Variants in STRBP observed in about 807,000 individuals in gnomAD.
STRBP encodes spermatid perinuclear RNA binding protein, also known as spermatid perinuclear RNA-binding protein.
A neutral mutation model predicts 80.1 loss-of-function variants in STRBP; 13 were observed. That is an observed-to-expected ratio of 0.16 (90% CI 0.11 to 0.26). STRBP has a LOEUF of 0.26. STRBP is among the 10% of genes least tolerant of loss of function. STRBP has a pLI of 1.00. For missense variants in STRBP, 485 were observed against 815.2 expected (o/e 0.59, Z 4.93); for synonymous variants, 284 against 291.2 (o/e 0.98, Z 0.25).
At chr9:123,173,423 C>T (rs1007853749) in intron 5 of STRBP, among the ~76,000 whole-genome samples, 2 of 152,120 alleles carry the variant, frequency 1.3e-5, no homozygotes, top group African/African-American at 4.8e-5. Flanking sequence ...TGAAGATTCT[C>T]AGCAAGATAC....
intron 1 of STRBP, among the ~76,000 whole-genome samples, chr9:123,241,905 G>T (rs979251856): frequency 1.3e-5 from 2 of 152,138 alleles, no homozygotes; most frequent in Non-Finnish European, 2.9e-5. Flanking sequence ...AAAGTCCCAG[G>T]TGATCTGGCC....
At chr9:123,259,077 G>T (rs916729357) in intron 1 of STRBP, among the ~76,000 whole-genome samples, 4 of 144,622 alleles carry the variant, frequency 2.8e-5, no homozygotes, top group Non-Finnish European at 4.5e-5. Flanking sequence ...AAAAAAAAAG[G>T]GGGGGGGATT....
intron 9 of STRBP, among the ~76,000 whole-genome samples, chr9:123,158,644 A>C (rs1223828974): frequency 6.6e-6 from 1 of 152,186 alleles, no homozygotes; most frequent in Non-Finnish European, 1.5e-5. Context: ...ACTGGAAGTC[A>C]CTTGTATATC....
At chr9:123,184,969 C>T (rs967036339) in intron 2 of STRBP, among the ~76,000 whole-genome samples, 3 of 152,052 alleles carry the variant, frequency 2.0e-5, no homozygotes, top group African/African-American at 7.2e-5. Flanking sequence ...TATCCAGAGT[C>T]CTAATCATTG....
intron 1 of STRBP, among the ~76,000 whole-genome samples, chr9:123,246,961 C>T (rs2132619905): frequency 6.6e-6 from 1 of 152,294 alleles, no homozygotes; most frequent in East Asian, 1.9e-4. Context: ...AGTAAAATAT[C>T]ACCTTGAACT....
intron 2 of STRBP, among the ~76,000 whole-genome samples, chr9:123,196,683 C>T (rs1025559230): frequency 9.9e-5 from 15 of 152,118 alleles, no homozygotes; most frequent in South Asian, 8.3e-4. Context: ...AACTATAATG[C>T]GATATAATCT....
intron 6 of STRBP, among the ~76,000 whole-genome samples, chr9:123,162,685 A>G (rs980072362): frequency 2.0e-5 from 3 of 152,236 alleles, no homozygotes; most frequent in Non-Finnish European, 4.4e-5. Flanking sequence ...AGTTATTTGC[A>G]TTGTTTCCCA....
chr9:123,239,840 A>C (rs1414919655), intron 1 of STRBP, among the ~76,000 whole-genome samples: 1 of 152,232 alleles, frequency 6.6e-6, no homozygotes, highest in Non-Finnish European at 1.5e-5. Flanking sequence ...TGACACGAGA[A>C]GTACTACATT....
chr9:123,160,362 C>A lies in STRBP; in HGVS notation c.723+5G>T. 1 of 1,579,240 alleles carries A rather than the reference C, an allele frequency of 6.3e-7. No individual in the cohort carries two copies. Among genetic ancestry groups the A allele is most frequent in the Non-Finnish European group, 8.6e-7 (1 of 1,156,128 alleles). On this transcript the variant is annotated splice_donor_5th_base_variant and intron_variant, in intron 8 of 18. Coordinates refer to ENST00000348403, the MANE Select transcript of STRBP (RefSeq NM_018387.5). ...ATTTGCTTTTAGCCATATTTAAGTA[C>A]TTACCCATCCTTTCAATGGTGCCCA...
intron 2 of STRBP, among the ~76,000 whole-genome samples, chr9:123,231,175 T>C (rs946855805): frequency 6.6e-6 from 1 of 152,024 alleles, no homozygotes; most frequent in African/African-American, 2.4e-5. Flanking sequence ...TCTACAGAGA[T>C]TTTAATGTAC....
At chr9:123,167,919 A>T (rs1011748200) in intron 6 of STRBP, among the ~76,000 whole-genome samples, 6 of 152,214 alleles carry the variant, frequency 3.9e-5, no homozygotes, top group African/African-American at 1.4e-4. Flanking sequence ...GGCTAAGTTT[A>T]AAGGTATCAC....
intron 3 of STRBP, chr9:123,111,539 T>C: frequency 2.3e-6 from 1 of 436,474 alleles, no homozygotes; most frequent in Non-Finnish European, 4.7e-6. Flanking sequence ...CCTGTGCCTG[T>C]AGGCAGGGGC....
intron 1 of STRBP, among the ~76,000 whole-genome samples, chr9:123,257,417 AAC>A (rs112138505): frequency 0.014 from 2,109 of 147,238 alleles, 50 homozygotes; most frequent in African/African-American, 0.047. Context: ...AAAACACACA[AAC>A]ACACACACAC....
chr9:123,250,382 T>G (rs2132627971), intron 1 of STRBP, among the ~76,000 whole-genome samples: 1 of 152,328 alleles, frequency 6.6e-6, no homozygotes. Flanking sequence ...AATAGTTTAT[T>G]AGCATTTTTA....
intron 6 of STRBP, 85 bp from the exon 7 acceptor site, chr9:123,161,153 G>A: frequency 2.8e-6 from 3 of 1,071,938 alleles, no homozygotes; most frequent in South Asian, 1.5e-5. Flanking sequence ...AAAATAAAAA[G>A]AATAACAGCA....
In STRBP at chr9:123,206,930, G is replaced by A. The variant is rs574256941; in HGVS notation, c.-164-22632C>T. Among the ~76,000 whole-genome samples, 14 of 152,186 alleles carry A rather than the reference G, an allele frequency of 9.2e-5. No homozygotes were observed. In the South Asian group the frequency reaches 2.5e-3, roughly 27 times the overall value. On this transcript the variant is annotated intron_variant, in intron 2 of 18. Coordinates refer to ENST00000348403, the MANE Select transcript of STRBP (RefSeq NM_018387.5). ...TAGAATTACAGGCATGAGCCACCGCGCCCAGCCAAGAAGATTTTTTAAATA... is the reference window on the plus strand; with the variant it reads ...TAGAATTACAGGCATGAGCCACCGCACCCAGCCAAGAAGATTTTTTAAATA...
intron 14 of STRBP, among the ~76,000 whole-genome samples, chr9:123,137,669 A>T (rs537417504): frequency 6.6e-6 from 1 of 152,186 alleles, no homozygotes; most frequent in Admixed American, 6.5e-5. Flanking sequence ...CAGCCTCCCA[A>T]AGTGCTGGGA....
intron 5 of STRBP, 140 bp downstream of exon 5, chr9:123,173,537 T>C (rs1024569700): frequency 9.3e-5 from 75 of 809,474 alleles, no homozygotes; most frequent in South Asian, 2.0e-4. Context: ...GAATTAGTCA[T>C]TGACCCAGAG....
chr9:123,228,306 G>C (rs935216369), intron 2 of STRBP, among the ~76,000 whole-genome samples: 1 of 152,224 alleles, frequency 6.6e-6, no homozygotes, highest in Non-Finnish European at 1.5e-5. Flanking sequence ...ATCTAGGTTA[G>C]AGATATCAAC....
Sources: gnomAD v4.1 joint callset for allele counts (sites outside exome capture counted in the v4.1 genomes callset) on GRCh38, gnomAD v4.1.1 for gene constraint, MANE v1.5 for transcripts, NCBI Gene and HGNC (gene_info 2026-07-23, HGNC 2026-07-21) for gene names.